The following GARIN5A variants were observed in gnomAD, a reference collection of about 807,000 sequenced individuals.
GARIN5A encodes golgi associated RAB2 interactor 5A.
At chr19:50,472,242 AT>A in the GARIN5A span, among the ~76,000 whole-genome samples, 3 of 66,810 alleles carry the variant, frequency 4.5e-5, no homozygotes, top group South Asian at 5.4e-4. Context: ...GTATGTGTGT[AT>A]TATATATACA....
chr19:50,467,565 C>T, the GARIN5A span: 2 of 1,536,232 alleles, frequency 1.3e-6, no homozygotes, highest in African/African-American at 2.7e-5. Context: ...CCTCCTCCCA[C>T]TCCCTCTGGG....
At chr19:50,476,799 G>A in the GARIN5A span, 4 of 586,328 alleles carry the variant, frequency 6.8e-6, no homozygotes, top group Non-Finnish European at 1.1e-5. Context: ...CCAGGCCTCA[G>A]TCACGCACGC....
the GARIN5A span, chr19:50,476,354 G>C: frequency 6.3e-7 from 1 of 1,574,946 alleles, no homozygotes; most frequent in Admixed American, 1.8e-5. Context: ...TGGAGGGGGC[G>C]GCTCCTGGAG....
the GARIN5A span, among the ~76,000 whole-genome samples, chr19:50,472,093 T>C: frequency 1.4e-5 from 2 of 144,012 alleles, no homozygotes; most frequent in Non-Finnish European, 3.0e-5. Flanking sequence ...TGTGTATATG[T>C]ATATGTATAT....
the GARIN5A span, among the ~76,000 whole-genome samples, chr19:50,472,220 G>GTATATATACATGTATGTGTGTAT: frequency 9.4e-6 from 1 of 106,360 alleles, no homozygotes; most frequent in Non-Finnish European, 2.0e-5. Flanking sequence ...ATGTGTGTAT[G>GTATATATACATGTATGTGTGTAT]TATATATACA....
the GARIN5A span, among the ~76,000 whole-genome samples, chr19:50,472,114 ATATGTATATATACG>A: frequency 4.8e-4 from 73 of 151,324 alleles, no homozygotes; most frequent in African/African-American, 1.7e-3. Context: ...ATACGTGTGT[ATATGTATATATACG>A]TGTGTATATG....
the GARIN5A span, chr19:50,475,409 G>T: frequency 6.2e-7 from 1 of 1,610,588 alleles, no homozygotes. Context: ...ACTGGAGGCT[G>T]CCACCCCCAT....
At chr19:50,476,545 A>G in the GARIN5A span, 128 of 1,572,748 alleles carry the variant, frequency 8.1e-5, no homozygotes, top group Non-Finnish European at 1.0e-4. Context: ...AGAAGCCGAG[A>G]TGGCGGCAGC....
chr19:50,474,627 G>A, the GARIN5A span, among the ~76,000 whole-genome samples: 1 of 152,096 alleles, frequency 6.6e-6, no homozygotes, highest in Non-Finnish European at 1.5e-5. Flanking sequence ...TTACAAGCGT[G>A]AGCCACCGCA....
the GARIN5A span, chr19:50,475,881 T>A: frequency 1.2e-6 from 2 of 1,614,014 alleles, no homozygotes; most frequent in Non-Finnish European, 1.7e-6. Flanking sequence ...ACTGGTCGAA[T>A]TCGCCGCTCT....
At chr19:50,467,411 G>C in the GARIN5A span, 1 of 594,272 alleles carries the variant, frequency 1.7e-6, no homozygotes, top group South Asian at 2.1e-5. Flanking sequence ...TCCTCCCTCA[G>C]ACCCAGGAGT....
chr19:50,475,362 C>T, the GARIN5A span: 8 of 1,606,140 alleles, frequency 5.0e-6, no homozygotes, highest in East Asian at 2.2e-5. Flanking sequence ...TTGGCAGGGC[C>T]GGCCAGAAGC....
chr19:50,473,734 C>G, the GARIN5A span, among the ~76,000 whole-genome samples: 1 of 152,078 alleles, frequency 6.6e-6, no homozygotes, highest in Non-Finnish European at 1.5e-5. Context: ...TGCCTGTAAT[C>G]CCAGCACTTT....
the GARIN5A span, among the ~76,000 whole-genome samples, chr19:50,469,295 C>T: frequency 2.6e-5 from 4 of 152,206 alleles, no homozygotes; most frequent in African/African-American, 7.2e-5. Flanking sequence ...GCCCCCTCAT[C>T]GCCCTGTGTT....
chr19:50,471,777 T>C, the GARIN5A span, among the ~76,000 whole-genome samples: 2 of 111,838 alleles, frequency 1.8e-5, no homozygotes, highest in South Asian at 2.2e-4. Context: ...TACATACCTG[T>C]GTGTATACGC....
At chr19:50,476,240 G>C in the GARIN5A span, 4 of 1,613,330 alleles carry the variant, frequency 2.5e-6, no homozygotes, top group Admixed American at 3.3e-5. Context: ...GAGGAGCAGA[G>C]GGAGAAAGCG....
chr19:50,475,210 T>A, the GARIN5A span: 1 of 1,406,928 alleles, frequency 7.1e-7, no homozygotes, highest in Non-Finnish European at 9.4e-7. Context: ...GGAGGGCCGG[T>A]AGCACTGCCA....
At chr19:50,471,461 G>A in the GARIN5A span, among the ~76,000 whole-genome samples, 3 of 151,748 alleles carry the variant, frequency 2.0e-5, no homozygotes, top group Admixed American at 2.0e-4. Flanking sequence ...TAGAGATAGG[G>A]TCTCACCATG....
chr19:50,475,495 G>C, the GARIN5A span: 8 of 1,560,612 alleles, frequency 5.1e-6, no homozygotes, highest in East Asian at 2.3e-5. Context: ...GATAGATGTC[G>C]GGGCAGAACT....
Sources: gnomAD v4.1 joint callset for allele counts (sites outside exome capture counted in the v4.1 genomes callset) on GRCh38, gnomAD v4.1.1 for gene constraint, MANE v1.5 for transcripts, NCBI Gene and HGNC (gene_info 2026-07-23, HGNC 2026-07-21) for gene names.